ANGPT1: variants seen among roughly 807,000 people sequenced by gnomAD.
ANGPT1 encodes the protein angiopoietin 1.
A neutral mutation model predicts 62.2 loss-of-function variants in ANGPT1; 17 were observed. The observed-to-expected ratio is 0.27, with a 90% CI of 0.19 to 0.41. ANGPT1 has a LOEUF of 0.41. ANGPT1 is among the 10% of genes least tolerant of loss of function. ANGPT1 has a pLI of 1.00. For missense variants in ANGPT1, 478 were observed against 594.9 expected (o/e 0.80, Z 2.04); for synonymous variants, 199 against 198.9 (o/e 1.00, Z 0.00).
chr8:107,274,237 T>C (rs1312066343), intron 7 of ANGPT1, among the ~76,000 whole-genome samples: 1 of 152,158 alleles, frequency 6.6e-6, no homozygotes, highest in African/African-American at 2.4e-5. Flanking sequence ...CCTAGTTACC[T>C]ATATGCACAT....
intron 1 of ANGPT1, among the ~76,000 whole-genome samples, chr8:107,495,223 C>T (rs1386190323): frequency 6.6e-6 from 1 of 152,102 alleles, no homozygotes; most frequent in African/African-American, 2.4e-5. Context: ...TTTAAACTGA[C>T]AATAGTCAAG....
chr8:107,332,090 G>A (rs910804026), intron 3 of ANGPT1, among the ~76,000 whole-genome samples: 1 of 152,158 alleles, frequency 6.6e-6, no homozygotes, highest in South Asian at 2.1e-4. Flanking sequence ...GAAGGAAACT[G>A]CATTAGGACA....
At chr8:107,470,825 T>C (rs947122799) in intron 1 of ANGPT1, among the ~76,000 whole-genome samples, 15 of 152,102 alleles carry the variant, frequency 9.9e-5, no homozygotes, top group African/African-American at 3.6e-4. Flanking sequence ...ATTAGAGAAA[T>C]GCAAATCAAA....
intron 1 of ANGPT1, among the ~76,000 whole-genome samples, chr8:107,374,972 C>T (rs1268207195): frequency 1.3e-5 from 2 of 152,052 alleles, no homozygotes; most frequent in Non-Finnish European, 2.9e-5. Context: ...CCAGCCTGGC[C>T]AACATGGTGA....
chr8:107,308,611 T>C (rs375058458), intron 4 of ANGPT1, among the ~76,000 whole-genome samples: 19 of 152,148 alleles, frequency 1.2e-4, no homozygotes, highest in Non-Finnish European at 2.5e-4. Flanking sequence ...GTTGAAAGAA[T>C]ATAACATATA....
intron 1 of ANGPT1, among the ~76,000 whole-genome samples, chr8:107,491,967 C>T (rs903345471): frequency 1.2e-4 from 18 of 152,114 alleles, no homozygotes; most frequent in African/African-American, 4.3e-4. Flanking sequence ...TGTCATAGCC[C>T]TAAAACCTGA....
chr8:107,487,548 T>TA (rs79026318), intron 1 of ANGPT1, among the ~76,000 whole-genome samples: 5,590 of 148,728 alleles, frequency 0.038, 135 homozygotes, highest in Non-Finnish European at 0.05. Context: ...ATTCATCTGC[T>TA]AAAAAAAAAA....
chr8:107,336,481 T>C (rs747341200), intron 2 of ANGPT1: 1 of 613,950 alleles, frequency 1.6e-6, no homozygotes, highest in Admixed American at 5.4e-5. Flanking sequence ...CTGGCAAACA[T>C]GGTGAAACCC....
At chr8:107,460,016 G>A (rs879647399) in intron 1 of ANGPT1, among the ~76,000 whole-genome samples, 1 of 152,096 alleles carries the variant, frequency 6.6e-6, no homozygotes, top group Non-Finnish European at 1.5e-5. Flanking sequence ...ATGAAAACAC[G>A]CTGAAAGCAT....
At chr8:107,461,084 G>A (rs1563633078) in intron 1 of ANGPT1, among the ~76,000 whole-genome samples, 1 of 152,110 alleles carries the variant, frequency 6.6e-6, no homozygotes, top group Non-Finnish European at 1.5e-5. Flanking sequence ...ATCTAAATAT[G>A]TGTAACTAAA....
At chr8:107,370,236 AG>A (rs1816361107) in intron 1 of ANGPT1, among the ~76,000 whole-genome samples, 5 of 146,898 alleles carry the variant, frequency 3.4e-5, no homozygotes. Flanking sequence ...GGAAGGAAGA[AG>A]GAAGAAAGAG....
At chr8:107,410,148 G>T (rs1472596031) in intron 1 of ANGPT1, among the ~76,000 whole-genome samples, 1 of 152,166 alleles carries the variant, frequency 6.6e-6, no homozygotes, top group Non-Finnish European at 1.5e-5. Context: ...CTGGACAAAG[G>T]TCAGAGGGGT....
chr8:107,427,734 A>G (rs1220264160), intron 1 of ANGPT1, among the ~76,000 whole-genome samples: 1 of 152,200 alleles, frequency 6.6e-6, no homozygotes, highest in African/African-American at 2.4e-5. Flanking sequence ...ACTGTCTCTC[A>G]GTATAGTCCC....
chr8:107,282,047 T>C (rs992891954), intron 7 of ANGPT1, among the ~76,000 whole-genome samples: 4 of 151,514 alleles, frequency 2.6e-5, no homozygotes, highest in Non-Finnish European at 5.9e-5. Context: ...TACGTGATGA[T>C]ACAGGCAGGG....
chr8:107,476,902 T>C (rs374834717), intron 1 of ANGPT1, among the ~76,000 whole-genome samples: 138 of 152,248 alleles, frequency 9.1e-4, no homozygotes, highest in African/African-American at 3.2e-3. Flanking sequence ...GAATTCAACC[T>C]TTTCCCTAGT....
At chr8:107,488,555 A>C (rs1394880872) in intron 1 of ANGPT1, among the ~76,000 whole-genome samples, 1 of 152,220 alleles carries the variant, frequency 6.6e-6, no homozygotes, top group Non-Finnish European at 1.5e-5. Flanking sequence ...TCATTGATTC[A>C]AAAATATTGT....
chr8:107,263,708 A>T (rs1046506875), intron 8 of ANGPT1, among the ~76,000 whole-genome samples: 27 of 152,178 alleles, frequency 1.8e-4, no homozygotes, highest in Admixed American at 6.5e-5. Flanking sequence ...CTCCTATACT[A>T]GCTAAAATAT....
intron 7 of ANGPT1, among the ~76,000 whole-genome samples, chr8:107,270,829 A>G (rs1473826320): frequency 1.3e-5 from 2 of 151,616 alleles, no homozygotes; most frequent in African/African-American, 4.9e-5. Flanking sequence ...TCTATAATCC[A>G]GAAAAGAAAT....
intron 8 of ANGPT1, among the ~76,000 whole-genome samples, chr8:107,254,638 C>T (rs939215453): frequency 6.6e-6 from 1 of 152,034 alleles, no homozygotes; most frequent in Non-Finnish European, 1.5e-5. Context: ...AAAGACCCTG[C>T]TAAGCAGAAT....
Sources: gnomAD v4.1 joint callset for allele counts (sites outside exome capture counted in the v4.1 genomes callset) on GRCh38, gnomAD v4.1.1 for gene constraint, MANE v1.5 for transcripts, NCBI Gene and HGNC (gene_info 2026-07-23, HGNC 2026-07-21) for gene names.